NAP1L1: variants seen among roughly 807,000 people sequenced by gnomAD.
NAP1L1 encodes nucleosome assembly protein 1 like 1.
Under a neutral mutation model 58.9 loss-of-function variants are expected in NAP1L1, and 9 were observed. That is an observed-to-expected ratio of 0.15 (90% CI 0.09 to 0.27). The LOEUF (loss-of-function observed/expected upper bound fraction) is 0.27, where lower values mean the gene tolerates loss of function less well. NAP1L1 is among the 10% of genes least tolerant of loss of function. The probability of loss-of-function intolerance (pLI) is 1.00; values close to 1 mark genes in which losing one functional copy is unlikely to be tolerated. For synonymous variants in NAP1L1, 130 were observed against 138.3 expected (o/e 0.94, Z 0.42); for missense variants, 302 against 458.8 (o/e 0.66, Z 3.12).
intron 7 of NAP1L1, among the ~76,000 whole-genome samples, chr12:76,055,559 G>A (rs1949042983): frequency 6.6e-6 from 1 of 152,188 alleles, no homozygotes; most frequent in Admixed American, 6.5e-5. Context: ...AATGTAGACG[G>A]TAGGGGCTCA....
intron 4 of NAP1L1, among the ~76,000 whole-genome samples, chr12:76,062,197 T>C (rs1182148946): frequency 1.3e-5 from 2 of 152,182 alleles, no homozygotes; most frequent in Non-Finnish European, 2.9e-5. Context: ...TTCAAACATG[T>C]ATTTGATCCA....
chr12:76,065,494 C>T (rs1829737887), intron 4 of NAP1L1, among the ~76,000 whole-genome samples: 1 of 145,130 alleles, frequency 6.9e-6, no homozygotes, highest in African/African-American at 2.6e-5. Flanking sequence ...CACATTACTA[C>T]AATAAATTTA....
chr12:76,073,050 G>A (rs1171380770), intron 2 of NAP1L1, among the ~76,000 whole-genome samples: 1 of 151,978 alleles, frequency 6.6e-6, no homozygotes, highest in African/African-American at 2.4e-5. Flanking sequence ...AATTAGAGGT[G>A]TGACACAGGA....
At position 76,049,867 on chromosome 12, in the gene NAP1L1, A is replaced by G. The variant is rs901885334; in HGVS notation, c.1060-82T>C. On this transcript the variant is annotated intron_variant, in intron 12 of 14. Coordinates refer to ENST00000618691, the MANE Select transcript of NAP1L1 (RefSeq NM_004537.7). ...GCATCAGTAACATTTATCACTGTAT[A>G]AACTAGTGTCTAAAAAGAGAAAACC... 3.4e-6 allele frequency: 5 copies of G among 1,468,010 alleles called. 1 individual carries two copies. In the South Asian group the frequency reaches 5.8e-5, roughly 17 times the overall value. The allele number at this position is 1,468,010 out of a possible 1,614,324, so 90.9% of individuals were successfully genotyped here.
chr12:76,073,495 A>G (rs1026805807), intron 2 of NAP1L1, among the ~76,000 whole-genome samples: 14 of 54,354 alleles, frequency 2.6e-4, no homozygotes, highest in African/African-American at 3.8e-4. Flanking sequence ...CTTCTCCACA[A>G]TAAGTCTTTT....
chr12:76,069,829 A>T (rs1456833852), intron 2 of NAP1L1, among the ~76,000 whole-genome samples: 1 of 152,124 alleles, frequency 6.6e-6, no homozygotes, highest in Non-Finnish European at 1.5e-5. Flanking sequence ...CATCTTAAAA[A>T]AAAAAAATCA....
At chr12:76,074,152 G>T in intron 2 of NAP1L1, 51 bp downstream of exon 2, 1 of 1,409,870 alleles carries the variant, frequency 7.1e-7, no homozygotes, top group Non-Finnish European at 1.0e-6. Flanking sequence ...TAAGAACAGA[G>T]TACAAAGTGA....
At chr12:76,059,025 G>A (rs1213631314) in intron 6 of NAP1L1, among the ~76,000 whole-genome samples, 1 of 152,196 alleles carries the variant, frequency 6.6e-6, no homozygotes, top group Non-Finnish European at 1.5e-5. Context: ...GAACCAGTAA[G>A]CCACTTCTTT....
At chr12:76,076,008 A>G (rs555887531) in intron 1 of NAP1L1, among the ~76,000 whole-genome samples, 2 of 152,294 alleles carry the variant, frequency 1.3e-5, no homozygotes, top group Admixed American at 1.3e-4. Flanking sequence ...TTAAAAACAT[A>G]AAAATTAAAA....
chr12:76,072,783 A>T (rs1303912947), intron 2 of NAP1L1, among the ~76,000 whole-genome samples: 1 of 152,216 alleles, frequency 6.6e-6, no homozygotes, highest in Non-Finnish European at 1.5e-5. Flanking sequence ...ATGCCTTCAA[A>T]ATTCTGAAGA....
chr12:76,056,707 T>C (rs1428570782), intron 6 of NAP1L1: 1 of 443,676 alleles, frequency 2.3e-6, no homozygotes, highest in Non-Finnish European at 4.5e-6. Context: ...AAGAATATAA[T>C]GAATCTACAA....
intron 1 of NAP1L1, among the ~76,000 whole-genome samples, chr12:76,076,552 ATATATATATATATATAT>A (rs1160357278): frequency 2.1e-4 from 1 of 4,678 alleles, no homozygotes; most frequent in African/African-American, 6.8e-4. Context: ...ATATGGAAAT[ATATATATATATATATAT>A]ATATATATAT....
At position 76,079,744 on chromosome 12, in the gene NAP1L1, C is replaced by T. The variant is rs991603713; in HGVS notation, c.-21+4823G>A. ...TATTGCCCAGGCTATAGTGCAGTGG[C>T]GTGATCACAGCTCACTGCAGCCTTG... On this transcript the variant is annotated intron_variant, in intron 1 of 14. Transcript: ENST00000618691. Among the ~76,000 whole-genome samples, 15 of 148,826 alleles carry T rather than the reference C, an allele frequency of 1.0e-4. No homozygotes were observed. The South Asian group carries it at 2.8e-3, about 27-fold the overall frequency.
chr12:76,053,942 A>G, intron 8 of NAP1L1, 33 bp from the exon 9 acceptor site: 1 of 1,581,610 alleles, frequency 6.3e-7, no homozygotes, highest in Admixed American at 2.0e-5. Context: ...TCAGTTAAAT[A>G]CCTACCTCAC....
chr12:76,070,312 A>C (rs1475811589), intron 2 of NAP1L1, among the ~76,000 whole-genome samples: 1 of 152,130 alleles, frequency 6.6e-6, no homozygotes, highest in Non-Finnish European at 1.5e-5. Context: ...TAGTAGAGAC[A>C]GGCTGGGCTG....
intron 1 of NAP1L1, among the ~76,000 whole-genome samples, chr12:76,079,253 C>T (rs754698251): frequency 1.7e-4 from 26 of 152,210 alleles, no homozygotes; most frequent in African/African-American, 4.3e-4. Context: ...AGGCCATGTG[C>T]GGTAGCTCAC....
At chr12:76,083,534 T>C (rs918992020) in intron 1 of NAP1L1, among the ~76,000 whole-genome samples, 10 of 149,486 alleles carry the variant, frequency 6.7e-5, no homozygotes, top group Admixed American at 4.0e-4. Context: ...AAAGCCGTCC[T>C]GGGCCGCGGG....
intron 5 of NAP1L1, 25 bp from the exon 6 acceptor site, chr12:76,059,903 C>T: frequency 6.6e-7 from 1 of 1,522,396 alleles, no homozygotes. Context: ...AAAAAAAAGG[C>T]TGTATAAAAA....
chr12:76,057,524 C>A (rs1949170628), intron 6 of NAP1L1: 1 of 736,320 alleles, frequency 1.4e-6, no homozygotes, highest in African/African-American at 1.7e-5. Context: ...TGTGCAACTG[C>A]CTGGGTTTGT....
Sources: allele counts gnomAD v4.1 joint callset (sites outside exome capture counted in the v4.1 genomes callset), GRCh38; gene constraint gnomAD v4.1.1; transcripts MANE v1.5; gene names NCBI Gene and HGNC (gene_info 2026-07-23, HGNC 2026-07-21).